The following DST variants were observed in gnomAD, a reference collection of about 807,000 sequenced individuals.
The protein encoded by DST is dystonin.
In DST, 253 loss-of-function variants were observed where a neutral mutation model predicts 875.2. The ratio of observed to expected loss-of-function variants is 0.29; its 90% CI spans 0.26 to 0.32. The LOEUF is 0.32. Ranked by LOEUF, DST falls within the 10% of genes least tolerant of loss-of-function variation. The probability of loss-of-function intolerance (pLI) is 1.00; values close to 1 mark genes in which losing one functional copy is unlikely to be tolerated. For missense variants in DST, 8,287 were observed against 9,111.6 expected (o/e 0.91, Z 3.68); for synonymous variants, 3,124 against 3,197.1 (o/e 0.98, Z 0.77).
At chr6:56,920,933 A>G (rs1209979323) in intron 2 of DST, among the ~76,000 whole-genome samples, 1 of 104,284 alleles carries the variant, frequency 9.6e-6, no homozygotes, top group Non-Finnish European at 2.1e-5. Context: ...TCACAGAGAC[A>G]GGGTTTCCCT....
Position 56,535,221 on chromosome 6 carries a change from G to C in DST, c.16842C>G (p.Ser5614=). ...HCGRFQDALE[S]LLSWMVDTEE... Reference sequence around the variant, plus strand: ...CAGTGTCCACCATCCAGCTGAGCAGGGACTCCAGGGCATCCTGGAACCTCC... The same window carrying C: ...CAGTGTCCACCATCCAGCTGAGCAGCGACTCCAGGGCATCCTGGAACCTCC... Residue 5614 remains serine, a synonymous_variant, in exon 63 of 104, where the codon TCC becomes TCG. Transcript: ENST00000680361. 1 of 1,613,382 alleles carries C rather than the reference G, an allele frequency of 6.2e-7. No individual in the cohort carries two copies. Among genetic ancestry groups the C allele is most frequent in the Non-Finnish European group, 8.5e-7 (1 of 1,179,686 alleles).
rs1582813754 is a variant in DST, at chr6:56,485,618, A to C, written c.21048-147T>G. The C allele has an allele frequency of 2.0e-5, 16 of 817,876 alleles. No homozygotes were observed. The East Asian group carries it at 4.0e-4, about 21-fold the overall frequency. 50.7% of individuals were successfully genotyped at this position (817,876 alleles called of 1,614,324 possible). ...TCATTGTTGTTTCTTTGCTCTTCTT[A>C]GGAAAAAGACAAAACTTTTCTAAAC... On this transcript the variant is annotated intron_variant, in intron 87 of 103. Transcript: ENST00000680361.
At chr6:56,471,533 C>T (rs932960441) in intron 94 of DST, among the ~76,000 whole-genome samples, 13 of 152,042 alleles carry the variant, frequency 8.6e-5, no homozygotes, top group African/African-American at 2.4e-4. Context: ...AAAGGTGGTC[C>T]GGCTCTAAGT....
intron 61 of DST, among the ~76,000 whole-genome samples, chr6:56,548,649 A>G (rs2152547080): frequency 6.6e-6 from 1 of 152,326 alleles, no homozygotes; most frequent in South Asian, 2.1e-4. Context: ...GCCTAGAGAC[A>G]AACAGAATCG....
chr6:56,729,754 G>A (rs2099489437), intron 5 of DST, among the ~76,000 whole-genome samples: 1 of 152,036 alleles, frequency 6.6e-6, no homozygotes, highest in Non-Finnish European at 1.5e-5. Flanking sequence ...CTCAGCTTGA[G>A]GATTTATATT....
chr6:56,710,875 G>A (rs1263731988), intron 5 of DST, among the ~76,000 whole-genome samples: 4 of 152,142 alleles, frequency 2.6e-5, no homozygotes, highest in African/African-American at 9.7e-5. Flanking sequence ...TAAAAAGGCG[G>A]TTATGGTTTT....
intron 4 of DST, among the ~76,000 whole-genome samples, chr6:56,741,318 C>T (rs1000973903): frequency 2.0e-5 from 3 of 152,060 alleles, no homozygotes; most frequent in East Asian, 1.9e-4. Context: ...AATTATGATC[C>T]GTAACTAAAG....
rs752171618 is a variant in DST at position 56,598,701 on chromosome 6, C to A, written c.11703G>T (p.Gln3901His). ...CCTGTGCACTTCCTTGCATATCTTTCTGTAATTCCTTATAACACAAAAGGA... is the reference window on the plus strand; with the variant it reads ...CCTGTGCACTTCCTTGCATATCTTTATGTAATTCCTTATAACACAAAAGGA... ...KKYQSKQEELQKDMQGSAQAL... is the reference protein window; with the variant it reads ...KKYQSKQEELHKDMQGSAQAL... The change falls in exon 46 of 104, where the codon CAG becomes CAT. Residue 3901 changes from glutamine to histidine, a missense_variant. This residue lies in a region of DST where 3,138 missense variants were observed against 3,116.6 expected (regional missense o/e 1.01). Transcript: ENST00000680361. 6.4e-7 allele frequency: 1 copy of A among 1,568,326 alleles called. No homozygotes were observed. Among genetic ancestry groups the A allele is most frequent in the Non-Finnish European group, 8.6e-7 (1 of 1,158,816 alleles).
intron 37 of DST, 24 bp from the exon 38 acceptor site, chr6:56,611,620 C>G (rs781343293): frequency 6.8e-7 from 1 of 1,473,016 alleles, no homozygotes; most frequent in Admixed American, 1.8e-5. Flanking sequence ...AAGGCACATT[C>G]AAACTCTTCC....
intron 8 of DST, among the ~76,000 whole-genome samples, chr6:56,701,476 T>C (rs944987070): frequency 1.3e-5 from 2 of 151,672 alleles, no homozygotes; most frequent in African/African-American, 4.9e-5. Flanking sequence ...AAAAGTATTA[T>C]ATAAAGTATT....
intron 31 of DST, 109 bp from the exon 32 acceptor site, chr6:56,629,552 G>T: frequency 1.2e-6 from 1 of 847,654 alleles, no homozygotes; most frequent in Non-Finnish European, 1.9e-6. Flanking sequence ...TAGAAAATAA[G>T]ATAAAGGAAA....
intron 3 of DST, among the ~76,000 whole-genome samples, chr6:56,890,029 TA>T (rs1221579918): frequency 4.6e-5 from 7 of 152,250 alleles, no homozygotes; most frequent in African/African-American, 1.7e-4. Flanking sequence ...TCAAAGTAAT[TA>T]AAATACTTCA....
At chr6:56,576,036 G>A (rs145789057) in intron 50 of DST, among the ~76,000 whole-genome samples, 2 of 152,252 alleles carry the variant, frequency 1.3e-5, no homozygotes, top group Non-Finnish European at 2.9e-5. Context: ...CCTCTGAGGA[G>A]GGAAGAGGGG....
intron 10 of DST, among the ~76,000 whole-genome samples, chr6:56,663,794 A>G (rs1176958702): frequency 3.9e-5 from 6 of 152,130 alleles, no homozygotes; most frequent in Non-Finnish European, 1.5e-5. Context: ...ATCCAACTAC[A>G]TACTCAGACA....
intron 2 of DST, among the ~76,000 whole-genome samples, chr6:56,902,216 G>T (rs1357630742): frequency 1.3e-5 from 2 of 152,184 alleles, no homozygotes; most frequent in Admixed American, 6.5e-5. Context: ...TAAATATGGT[G>T]GGAAACTAGT....
In DST at chr6:56,511,308, G is replaced by C; in HGVS notation, c.18669C>G (p.Gly6223=). Residue 6223 remains glycine (G), a synonymous_variant, in exon 73 of 104, where the codon GGC becomes GGG. Transcript: ENST00000680361. The part of the protein sequence containing the change: ...PQLLELSPGE[G]FSIQEKYVAA... ...CCACATACTTCTCTTGGATAGAAAA[G>C]CCTTCCCCAGGGCTCAATTCCAGTA... 6.2e-7 allele frequency: 1 copy of C among 1,606,168 alleles called. No homozygotes were observed. Among genetic ancestry groups the C allele is most frequent in the Middle Eastern group, 1.7e-4 (1 of 6,060 alleles).
chr6:56,843,523 C>T, intron 4 of DST: 1 of 984,712 alleles, frequency 1.0e-6, no homozygotes, highest in South Asian at 4.7e-5. Context: ...GGACCCTCTG[C>T]GGCCGCGCTG....
intron 90 of DST, among the ~76,000 whole-genome samples, chr6:56,481,035 T>C (rs1466028901): frequency 1.3e-5 from 2 of 152,202 alleles, no homozygotes; most frequent in Non-Finnish European, 2.9e-5. Context: ...AAACGGTGTA[T>C]ATAATATATA....
chr6:56,498,509 T>C (rs2095999599), intron 80 of DST, among the ~76,000 whole-genome samples: 1 of 152,198 alleles, frequency 6.6e-6, no homozygotes, highest in Non-Finnish European at 1.5e-5. Flanking sequence ...TTGCTAGTTA[T>C]TCCCACTGGA....
Sources: allele counts gnomAD v4.1 joint callset (sites outside exome capture counted in the v4.1 genomes callset), GRCh38; gene constraint gnomAD v4.1.1; regional missense constraint gnomAD v4.1.1; transcripts MANE v1.5; gene names NCBI Gene and HGNC (gene_info 2026-07-23, HGNC 2026-07-21).